The following CCDC30 variants were observed in gnomAD, a reference collection of about 807,000 sequenced individuals.
CCDC30 encodes the protein coiled-coil domain-containing protein 30.
CCDC30 carries 70 observed loss-of-function variants against 100.2 expected under a neutral mutation model. That is an observed-to-expected ratio of 0.70 (90% CI 0.58 to 0.85). CCDC30 has a LOEUF of 0.85. Among genes scored for constraint, CCDC30 ranks in the 40% least tolerant of loss-of-function variants. The probability of loss-of-function intolerance (pLI) is 0.00; values close to 1 mark genes in which losing one functional copy is unlikely to be tolerated. For synonymous variants in CCDC30, 233 were observed against 269.5 expected, an observed-to-expected ratio of 0.86 and a Z score of 1.33; for missense variants, 652 against 771.2, an observed-to-expected ratio of 0.85 and a Z score of 1.83.
At chr1:42,563,286 G>A (rs1265454519) in intron 6 of CCDC30, among the ~76,000 whole-genome samples, 1 of 152,204 alleles carries the variant, frequency 6.6e-6, no homozygotes, top group African/African-American at 2.4e-5. Flanking sequence ...AAAAAGGAAT[G>A]ATATCATGTC....
intron 8 of CCDC30, among the ~76,000 whole-genome samples, chr1:42,580,492 C>T (rs998855902): frequency 1.1e-4 from 16 of 151,914 alleles, no homozygotes; most frequent in African/African-American, 3.6e-4. Context: ...GCTACCCTGC[C>T]GAAATCTATT....
chr1:42,501,839 G>A (rs1212351526), intron 6 of CCDC30, among the ~76,000 whole-genome samples: 4 of 152,152 alleles, frequency 2.6e-5, no homozygotes, highest in Non-Finnish European at 5.9e-5. Flanking sequence ...GGGGCACCCG[G>A]CCATATGAGG....
chr1:42,547,920 C>T (rs1278606242), intron 6 of CCDC30, among the ~76,000 whole-genome samples: 2 of 152,162 alleles, frequency 1.3e-5, no homozygotes, highest in Non-Finnish European at 2.9e-5. Flanking sequence ...GTACTGAGTA[C>T]TATGGGAACA....
intron 10 of CCDC30, among the ~76,000 whole-genome samples, chr1:42,605,054 G>A (rs115731631): frequency 2.0e-5 from 3 of 152,240 alleles, no homozygotes; most frequent in Non-Finnish European, 2.9e-5. Flanking sequence ...GATAGCTATA[G>A]GTCAAACCCT....
At chr1:42,586,506 T>C (rs1486763533) in intron 9 of CCDC30, among the ~76,000 whole-genome samples, 3 of 152,064 alleles carry the variant, frequency 2.0e-5, no homozygotes, top group Non-Finnish European at 4.4e-5. Flanking sequence ...GATCTCCCTA[T>C]GTTGCTCAGG....
At chr1:42,641,566 A>G (rs1289247778) in intron 12 of CCDC30, among the ~76,000 whole-genome samples, 2 of 122,154 alleles carry the variant, frequency 1.6e-5, no homozygotes, top group Non-Finnish European at 3.4e-5. Flanking sequence ...ACAAAAAAAC[A>G]AAAAAAAACA....
At chr1:42,512,992 G>A (rs1444484385) in intron 6 of CCDC30, among the ~76,000 whole-genome samples, 2 of 152,152 alleles carry the variant, frequency 1.3e-5, no homozygotes, top group Admixed American at 1.3e-4. Flanking sequence ...TGGAGGCCAA[G>A]AACCTCAAAA....
At chr1:42,513,656 A>G (rs568781893) in intron 6 of CCDC30, among the ~76,000 whole-genome samples, 1 of 152,328 alleles carries the variant, frequency 6.6e-6, no homozygotes, top group South Asian at 2.1e-4. Flanking sequence ...GGTGCTTTTC[A>G]TGAAAAGTAA....
intron 2 of CCDC30, 88 bp from the exon 3 acceptor site, chr1:42,482,575 T>C (rs1185440460): frequency 2.9e-5 from 22 of 766,086 alleles, no homozygotes; most frequent in Non-Finnish European, 3.7e-5. Flanking sequence ...TGCTAATTTA[T>C]TGGCTTTTAA....
At chr1:42,646,248 T>A (rs769322130) in exon 15 of CCDC30, 3 of 1,553,086 alleles carry the variant, frequency 1.9e-6, no homozygotes, top group Non-Finnish European at 2.6e-6. Flanking sequence ...CCAGCAACAA[T>A]GCAGAACTCC....
rs1643981420 is a variant in CCDC30, at chr1:42,482,647, A to G, written c.16-16A>G. The G allele has an allele frequency of 2.4e-6, 3 of 1,227,940 alleles. No individual in the cohort carries two copies. The Admixed American group carries it at 1.3e-4, about 52-fold the overall frequency. The allele number at this position is 1,227,940 out of a possible 1,614,324, so 76.1% of individuals were successfully genotyped here. A position where few individuals can be genotyped will look rare whatever the true frequency, so the allele number is the denominator to read the frequency against. The stretch of plus-strand genomic sequence containing the variant: ...ATTTGCTCTTTGTTTTATTACTAAT[A>G]GAAGTTTTATTTCAGTATCATAATG... On this transcript the variant is annotated splice_polypyrimidine_tract_variant and intron_variant, in intron 2 of 16. Coordinates refer to ENST00000668663, the Ensembl canonical transcript of CCDC30.
chr1:42,458,521 C>T (rs1643305653), upstream of CCDC30, among the ~76,000 whole-genome samples: 2 of 152,280 alleles, frequency 1.3e-5, no homozygotes, highest in South Asian at 4.1e-4. Context: ...CATACCCTGC[C>T]TTTGTGTTGC....
At chr1:42,640,057 C>T (rs1163578675) in intron 12 of CCDC30, among the ~76,000 whole-genome samples, 1 of 151,974 alleles carries the variant, frequency 6.6e-6, no homozygotes, top group Non-Finnish European at 1.5e-5. Flanking sequence ...ACGACTTAGC[C>T]TAGAGAAGAC....
chr1:42,573,687 C>T (rs938515953), intron 7 of CCDC30, among the ~76,000 whole-genome samples: 1 of 151,728 alleles, frequency 6.6e-6, no homozygotes, highest in African/African-American at 2.4e-5. Flanking sequence ...TCAAATTTCA[C>T]CATTTAGTAT....
At chr1:42,599,475 AT>A (rs1646359040) in intron 10 of CCDC30, among the ~76,000 whole-genome samples, 1 of 152,226 alleles carries the variant, frequency 6.6e-6, no homozygotes, top group African/African-American at 2.4e-5. Flanking sequence ...CACAAAAGGC[AT>A]AAAAAGCATG....
Position 42,642,204 on chromosome 1 carries a change from T to G in CCDC30, c.1420-269T>G, listed in dbSNP as rs139324533. ...TCACGCCACTGTATTCCAGCCTGGG[T>G]GACAGGGCAAGTTCTGTCTTAAACA... On this transcript the variant is annotated intron_variant, in intron 12 of 16. Coordinates refer to ENST00000668663, the Ensembl canonical transcript of CCDC30. 1.0e-3 allele frequency among the ~76,000 whole-genome samples: 155 copies of G among 151,830 alleles called. 2 individuals carry two copies. The highest frequency in any genetic ancestry group is 1.6e-3 in the Admixed American group (24 of 15,232).
upstream of CCDC30, among the ~76,000 whole-genome samples, chr1:42,461,037 C>A (rs1316087541): frequency 6.6e-6 from 1 of 152,186 alleles, no homozygotes; most frequent in Admixed American, 6.5e-5. Context: ...CAAAAAAATT[C>A]CCTAAATGAT....
the CCDC30 span, among the ~76,000 whole-genome samples, chr1:42,457,886 C>T: frequency 2.0e-5 from 3 of 147,428 alleles, no homozygotes; most frequent in Non-Finnish European, 1.5e-5. Context: ...AACCAGGAGG[C>T]GGAGGTTGCA....
At chr1:42,472,127 A>G (rs1308024328) in intron 1 of CCDC30, among the ~76,000 whole-genome samples, 10 of 152,050 alleles carry the variant, frequency 6.6e-5, no homozygotes. Flanking sequence ...GGTGGCACAC[A>G]CCTGTAATCC....
Sources: allele counts gnomAD v4.1 joint callset (sites outside exome capture counted in the v4.1 genomes callset), GRCh38; gene constraint gnomAD v4.1.1; transcripts MANE v1.5; gene names NCBI Gene and HGNC (gene_info 2026-07-23, HGNC 2026-07-21).